Variants in SV2C observed in about 807,000 individuals in gnomAD.
SV2C encodes solute carrier family 22 member B3.
A neutral mutation model predicts 79.7 loss-of-function variants in SV2C; 49 were observed. The ratio of observed to expected loss-of-function variants is 0.61; its 90% CI spans 0.49 to 0.78. SV2C has a LOEUF of 0.78. SV2C is among the 30% of genes least tolerant of loss of function. SV2C has a pLI of 0.00. For missense variants in SV2C, 833 were observed against 912.9 expected (o/e 0.91, Z 1.13); for synonymous variants, 334 against 333.2 (o/e 1.00, Z -0.03).
chr5:76,346,249 G>A (rs1335615499), intron 12 of SV2C, among the ~76,000 whole-genome samples: 3 of 152,140 alleles, frequency 2.0e-5, no homozygotes, highest in Admixed American at 6.5e-5. Context: ...ATAATCAGGA[G>A]GCGATACATT....
chr5:75,980,153 C>T, the SV2C span, among the ~76,000 whole-genome samples: 2 of 151,970 alleles, frequency 1.3e-5, no homozygotes, highest in Non-Finnish European at 2.9e-5. Context: ...TACATCCTGC[C>T]AAAACTGAAC....
At chr5:76,258,347 C>A (rs1436813030) in intron 4 of SV2C, among the ~76,000 whole-genome samples, 2 of 152,026 alleles carry the variant, frequency 1.3e-5, no homozygotes, top group African/African-American at 4.8e-5. Flanking sequence ...AGGAAATCTC[C>A]CCTGGGCAAG....
chr5:75,859,756 C>T, the SV2C span, among the ~76,000 whole-genome samples: 27 of 152,188 alleles, frequency 1.8e-4, no homozygotes, highest in Non-Finnish European at 2.9e-4. Context: ...ACTGCTCCCA[C>T]TCATTTCAGT....
the SV2C span, among the ~76,000 whole-genome samples, chr5:75,946,232 A>C: frequency 6.6e-6 from 1 of 152,092 alleles, no homozygotes; most frequent in Non-Finnish European, 1.5e-5. Flanking sequence ...GAACCTACAG[A>C]TATTAGCAGA....
At chr5:76,114,032 T>C (rs940381821) in intron 1 of SV2C, among the ~76,000 whole-genome samples, 5 of 152,166 alleles carry the variant, frequency 3.3e-5, no homozygotes, top group Admixed American at 1.3e-4. Context: ...AACAGAACCC[T>C]GGGCAGAACA....
the SV2C span, among the ~76,000 whole-genome samples, chr5:75,951,454 A>G: frequency 6.6e-6 from 1 of 151,966 alleles, no homozygotes; most frequent in Non-Finnish European, 1.5e-5. Context: ...AAATTATTTC[A>G]CCTCAGTAAG....
the SV2C span, among the ~76,000 whole-genome samples, chr5:75,981,470 C>T: frequency 1.3e-5 from 2 of 152,138 alleles, no homozygotes; most frequent in African/African-American, 4.8e-5. Flanking sequence ...TCAAACTATA[C>T]TATACAGCTA....
intron 9 of SV2C, 193 bp downstream of exon 9, chr5:76,296,135 C>A: frequency 2.4e-6 from 1 of 416,876 alleles, no homozygotes; most frequent in South Asian, 5.2e-5. Flanking sequence ...CATTACTTCA[C>A]TTAAAACTAT....
chr5:76,280,920 C>T (rs549727767), intron 4 of SV2C: 7 of 523,748 alleles, frequency 1.3e-5, no homozygotes, highest in Non-Finnish European at 2.3e-5. Context: ...GTTCCTGGTG[C>T]TGAGAGCGCG....
At chr5:75,994,526 G>A in the SV2C span, among the ~76,000 whole-genome samples, 3 of 152,164 alleles carry the variant, frequency 2.0e-5, no homozygotes, top group South Asian at 4.1e-4. Context: ...TTGCCATAAA[G>A]TGAGGGCATT....
At chr5:76,088,909 G>C (rs1012957288) in intron 1 of SV2C, among the ~76,000 whole-genome samples, 2 of 152,124 alleles carry the variant, frequency 1.3e-5, no homozygotes, top group African/African-American at 4.8e-5. Context: ...TAATCTTGCT[G>C]ATTTGTCCTT....
chr5:75,910,739 CA>C, the SV2C span: 4 of 1,372,764 alleles, frequency 2.9e-6, no homozygotes, highest in Non-Finnish European at 3.1e-6. Context: ...AGATCTGAAC[CA>C]AAAACTACTA....
intron 1 of SV2C, among the ~76,000 whole-genome samples, chr5:76,100,621 T>A (rs1004245066): frequency 1.3e-5 from 2 of 152,162 alleles, no homozygotes; most frequent in African/African-American, 4.8e-5. Context: ...TTAGGAGAAC[T>A]GAGGTGGGTG....
intron 12 of SV2C, among the ~76,000 whole-genome samples, chr5:76,343,991 A>G (rs1290809575): frequency 2.0e-5 from 3 of 151,376 alleles, no homozygotes; most frequent in Admixed American, 1.3e-4. Flanking sequence ...ACTGCACTCT[A>G]GCCTGGGCAA....
the SV2C span, among the ~76,000 whole-genome samples, chr5:75,933,673 T>C: frequency 6.6e-6 from 1 of 152,244 alleles, no homozygotes; most frequent in African/African-American, 2.4e-5. Context: ...ACCTTCTGCA[T>C]GCAGCAGGAA....
the SV2C span, among the ~76,000 whole-genome samples, chr5:76,008,801 C>T: frequency 1.3e-5 from 2 of 152,154 alleles, no homozygotes; most frequent in African/African-American, 2.4e-5. Context: ...CTTCTCATCT[C>T]ACTCAGAGTA....
At chr5:75,954,376 C>T in the SV2C span, among the ~76,000 whole-genome samples, 1 of 151,878 alleles carries the variant, frequency 6.6e-6, no homozygotes, top group East Asian at 1.9e-4. Context: ...ATAGATAGTT[C>T]TTATTATTTT....
chr5:75,900,055 TC>T, the SV2C span, among the ~76,000 whole-genome samples: 1 of 152,198 alleles, frequency 6.6e-6, no homozygotes, highest in African/African-American at 2.4e-5. Context: ...GAGCATTTAT[TC>T]CATTTACATT....
chr5:75,936,308 C>G, the SV2C span, among the ~76,000 whole-genome samples: 3 of 152,174 alleles, frequency 2.0e-5, no homozygotes, highest in African/African-American at 7.2e-5. Context: ...TGTTTTTAAT[C>G]ATCCTTGGGT....
Sources: gnomAD v4.1 joint callset for allele counts (sites outside exome capture counted in the v4.1 genomes callset) on GRCh38, gnomAD v4.1.1 for gene constraint, MANE v1.5 for transcripts, NCBI Gene and HGNC (gene_info 2026-07-23, HGNC 2026-07-21) for gene names.